The following KIF13A variants were observed in gnomAD, a reference collection of about 807,000 sequenced individuals.
KIF13A encodes the protein kinesin family member 13A.
KIF13A carries 79 observed loss-of-function variants against 212.2 expected under a neutral mutation model. That is an observed-to-expected ratio of 0.37 (90% CI 0.31 to 0.45). KIF13A has a LOEUF of 0.45. Ranked by LOEUF, KIF13A falls within the 20% of genes least tolerant of loss-of-function variation. The pLI, the probability that KIF13A is intolerant of heterozygous loss-of-function variation, is 1.00. For synonymous variants in KIF13A, 789 were observed against 808.6 expected (o/e 0.98, Z 0.41); for missense variants, 1,901 against 2,209.0 (o/e 0.86, Z 2.79).
intron 3 of KIF13A, among the ~76,000 whole-genome samples, chr6:17,876,757 C>T (rs1482324578): frequency 6.6e-6 from 1 of 152,136 alleles, no homozygotes; most frequent in Non-Finnish European, 1.5e-5. Context: ...TCCTCAGCCT[C>T]CTGAGTAGCT....
chr6:17,873,658 G>A (rs1402364203), intron 3 of KIF13A, among the ~76,000 whole-genome samples: 3 of 152,106 alleles, frequency 2.0e-5, no homozygotes, highest in Non-Finnish European at 4.4e-5. Context: ...AACTATCACA[G>A]CTCACTGAAG....
chr6:17,930,289 G>A (rs957113745), intron 2 of KIF13A, among the ~76,000 whole-genome samples: 4 of 152,104 alleles, frequency 2.6e-5, no homozygotes, highest in Admixed American at 6.6e-5. Flanking sequence ...CCAGCTTAGC[G>A]GGCATTGTGA....
At chr6:17,907,990 G>A (rs976760106) in intron 2 of KIF13A, among the ~76,000 whole-genome samples, 11 of 152,192 alleles carry the variant, frequency 7.2e-5, no homozygotes, top group Admixed American at 7.2e-4. Context: ...ACGCACTGGT[G>A]AGCCTCTGCC....
At chr6:17,862,949 AAAACAAAC>A (rs373182867) in intron 4 of KIF13A, among the ~76,000 whole-genome samples, 9 of 152,146 alleles carry the variant, frequency 5.9e-5, no homozygotes, top group East Asian at 5.8e-4. Context: ...CTGCGTCTCA[AAAACAAAC>A]AAACAAACAA....
rs1472117577 is a variant in KIF13A at position 17,915,313 on chromosome 6, TG to T, written c.147-17134del. Among the ~76,000 whole-genome samples the T allele has an allele frequency of 4.6e-5, 7 of 152,294 alleles. No individual in the cohort carries two copies. The East Asian group carries it at 1.3e-3, about 29-fold the overall frequency. The stretch of plus-strand genomic sequence containing the variant: ...CACCACTTTGTAGGGACCTTGGACC[TG>T]GTGCTTAAGCTCTCAGTGCCTCAGT... On this transcript the variant is annotated intron_variant, in intron 2 of 38. Transcript: ENST00000259711. This position sits in a 1 kb window ranked among gnomAD's most constrained non-coding sequence, Gnocchi z 4.4.
chr6:17,760,978 G>T, downstream of KIF13A: 1 of 1,208,200 alleles, frequency 8.3e-7, no homozygotes. Context: ...CACAAGAAAG[G>T]GGCTCTTCCT....
rs1771757980 is a variant in KIF13A, at chr6:17,888,569, A to G, written c.159+9599T>C. Among the ~76,000 whole-genome samples the G allele has an allele frequency of 6.6e-6, 1 of 152,222 alleles. No individual in the cohort carries two copies. The highest frequency in any genetic ancestry group is 2.4e-5 in the African/African-American group (1 of 41,460). Reference sequence around the variant, plus strand: ...CCAACCATGGTGGCTTATGCCTGTAATCCCAGCACTTTGGGAGGCCAAAGC... The same window carrying G: ...CCAACCATGGTGGCTTATGCCTGTAGTCCCAGCACTTTGGGAGGCCAAAGC... On this transcript the variant is annotated intron_variant, in intron 3 of 38. Coordinates refer to ENST00000259711, the MANE Select transcript of KIF13A (RefSeq NM_022113.6). This position sits in a 1 kb window ranked among gnomAD's most constrained non-coding sequence, Gnocchi z 4.8.
chr6:17,782,946 T>C (rs1361514288), intron 29 of KIF13A, among the ~76,000 whole-genome samples: 4 of 152,140 alleles, frequency 2.6e-5, no homozygotes, highest in African/African-American at 7.2e-5. Flanking sequence ...ACATTCAACA[T>C]CTAGGCTTTA....
intron 3 of KIF13A, among the ~76,000 whole-genome samples, chr6:17,878,256 T>C (rs902553773): frequency 1.3e-5 from 2 of 152,206 alleles, no homozygotes; most frequent in Non-Finnish European, 2.9e-5. Flanking sequence ...CCAGATGGAA[T>C]AGCAGGTGCA....
chr6:17,765,096 C>G, intron 38 of KIF13A, 150 bp from the exon 39 acceptor site: 1 of 625,032 alleles, frequency 1.6e-6, no homozygotes, highest in Non-Finnish European at 2.8e-6. Flanking sequence ...CAGATCTTGT[C>G]ACCTATTGTA....
At chr6:17,965,395 A>C (rs895044483) in intron 2 of KIF13A, among the ~76,000 whole-genome samples, 1 of 152,210 alleles carries the variant, frequency 6.6e-6, no homozygotes, top group East Asian at 1.9e-4. Context: ...GAGATGAATA[A>C]GGCTTTTGTT....
intron 16 of KIF13A, among the ~76,000 whole-genome samples, chr6:17,823,109 T>A (rs1485701744): frequency 6.6e-6 from 1 of 151,942 alleles, no homozygotes; most frequent in Non-Finnish European, 1.5e-5. Context: ...CCATCTCGGA[T>A]CACTGCAACC....
intron 2 of KIF13A, among the ~76,000 whole-genome samples, chr6:17,979,372 C>T (rs1330198363): frequency 6.6e-6 from 1 of 152,124 alleles, no homozygotes; most frequent in Non-Finnish European, 1.5e-5. Flanking sequence ...GTAGCTACTA[C>T]CTTCAATTCT....
chr6:17,942,979 AAAAAACAAAAAC>A (rs920729059), intron 2 of KIF13A, among the ~76,000 whole-genome samples: 6 of 152,144 alleles, frequency 3.9e-5, no homozygotes, highest in African/African-American at 9.7e-5. Context: ...ACTCTGTCTC[AAAAAACAAAAAC>A]AAAAACAAAA....
intron 3 of KIF13A, among the ~76,000 whole-genome samples, chr6:17,880,278 A>G (rs1770938435): frequency 6.6e-6 from 1 of 152,162 alleles, no homozygotes; most frequent in South Asian, 2.1e-4. Context: ...CTGAAGAAAA[A>G]TAAAGTCTTA....
intron 2 of KIF13A, among the ~76,000 whole-genome samples, chr6:17,958,582 G>A (rs999602949): frequency 1.3e-5 from 2 of 152,064 alleles, no homozygotes; most frequent in African/African-American, 2.4e-5. Flanking sequence ...ATTGTGACAC[G>A]CAAAGACAAT....
rs1310895032 is a variant in KIF13A at position 17,764,650 on chromosome 6, C to G, written c.4878G>C (p.Gln1626His). ...SSDSSDQLAI[Q>H]TKDADSTEHS... is the part of the protein sequence containing the mutation. ...GCTCGGTGGAGTCTGCATCCTTCGT[C>G]TGAATGGCCAGCTGGTCTGAGCTGT... The change falls in exon 39 of 39, where the codon CAG becomes CAC. Residue 1626 changes from glutamine to histidine, a missense_variant. Transcript: ENST00000259711. The surrounding 1 kb of genome is among the most constrained non-coding windows in gnomAD (Gnocchi z 5.1). 5 of 1,610,800 alleles carry G rather than the reference C, an allele frequency of 3.1e-6. No individual in the cohort carries two copies. The African/African-American group carries it at 5.4e-5, about 17-fold the overall frequency.
intron 2 of KIF13A, among the ~76,000 whole-genome samples, chr6:17,938,959 A>T (rs1776725182): frequency 6.6e-6 from 1 of 152,162 alleles, no homozygotes; most frequent in African/African-American, 2.4e-5. Context: ...CTTGCATGTC[A>T]AAAACCCCAT....
At chr6:17,929,082 AAC>A (rs1464488840) in intron 2 of KIF13A, among the ~76,000 whole-genome samples, 2 of 151,642 alleles carry the variant, frequency 1.3e-5, no homozygotes, top group East Asian at 1.9e-4. Context: ...AAAAAAAAAA[AAC>A]AAAGGAGCTC....
Sources: allele counts gnomAD v4.1 joint callset (sites outside exome capture counted in the v4.1 genomes callset), GRCh38; gene constraint gnomAD v4.1.1; non-coding constraint Gnocchi (gnomAD v3.1); transcripts MANE v1.5; gene names NCBI Gene and HGNC (gene_info 2026-07-23, HGNC 2026-07-21).